The following STK3 variants were observed in gnomAD, a reference collection of about 807,000 sequenced individuals.
STK3 encodes serine/threonine kinase 3.
A neutral mutation model predicts 58.0 loss-of-function variants in STK3; 41 were observed. That is an observed-to-expected ratio of 0.71 (90% CI 0.55 to 0.92). STK3 has a LOEUF of 0.92. Ranked by LOEUF, STK3 falls within the 40% of genes least tolerant of loss-of-function variation. The probability of loss-of-function intolerance (pLI) is 0.00; values close to 1 mark genes in which losing one functional copy is unlikely to be tolerated. For missense variants in STK3, 479 were observed against 602.7 expected (o/e 0.79, Z 2.15); for synonymous variants, 170 against 191.0 (o/e 0.89, Z 0.91).
At chr8:98,473,560 C>G (rs899794083) in intron 10 of STK3, among the ~76,000 whole-genome samples, 1 of 152,180 alleles carries the variant, frequency 6.6e-6, no homozygotes, top group Non-Finnish European at 1.5e-5. Context: ...AATTGGCAAT[C>G]AAACTTCAAC....
chr8:98,593,754 C>T (rs1454756967), intron 7 of STK3, among the ~76,000 whole-genome samples: 1 of 152,080 alleles, frequency 6.6e-6, no homozygotes, highest in Non-Finnish European at 1.5e-5. Flanking sequence ...TGAAACCAGT[C>T]CCTGGTGCCA....
Position 98,884,361 on chromosome 8 carries a change from T to TA in STK3, c.-78-528dup, listed in dbSNP as rs896040479. ...TAATCTTCATTTTAATTTTTTTAAATAAAAAATCCCCATTTGGAGGTAATC... is the reference window on the plus strand; with the variant it reads ...TAATCTTCATTTTAATTTTTTTAAATAAAAAAATCCCCATTTGGAGGTAATC... On this transcript the variant is annotated intron_variant, in intron 1 of 1. Coordinates refer to the STK3 transcript ENST00000519420. Among the ~76,000 whole-genome samples the TA allele has an allele frequency of 9.2e-5, 14 of 152,276 alleles. No homozygotes were observed. The South Asian group carries it at 1.0e-3, about 11-fold the overall frequency.
chr8:98,873,213 A>G (rs1564075349), intron 3 of STK3, among the ~76,000 whole-genome samples: 1 of 152,216 alleles, frequency 6.6e-6, no homozygotes, highest in Non-Finnish European at 1.5e-5. Flanking sequence ...ACAGTGTGCT[A>G]TAATTTCTGT....
intron 8 of STK3, among the ~76,000 whole-genome samples, chr8:98,562,737 GAAAAAAAAAAA>G (rs778049177): frequency 9.2e-4 from 16 of 17,384 alleles, no homozygotes; most frequent in East Asian, 2.2e-3. Flanking sequence ...CACAAAAAAT[GAAAAAAAAAAA>G]AAAAAAAAAA....
intron 6 of STK3, among the ~76,000 whole-genome samples, chr8:98,676,960 GC>G (rs1234948341): frequency 6.6e-6 from 1 of 152,148 alleles, no homozygotes; most frequent in Non-Finnish European, 1.5e-5. Flanking sequence ...TTATTGCCTA[GC>G]AAAGTATTAC....
chr8:98,351,170 TA>T, the STK3 span, among the ~76,000 whole-genome samples: 1 of 152,198 alleles, frequency 6.6e-6, no homozygotes, highest in Non-Finnish European at 1.5e-5. Flanking sequence ...ACTGGCTCCA[TA>T]AGTCCCTCCT....
At chr8:98,842,522 CA>C (rs1836033484) in intron 3 of STK3, among the ~76,000 whole-genome samples, 1 of 151,060 alleles carries the variant, frequency 6.6e-6, no homozygotes, top group Non-Finnish European at 1.5e-5. Flanking sequence ...CAAAAAAATG[CA>C]AAAAATTAGC....
chr8:98,699,214 A>T (rs879880170), intron 6 of STK3, among the ~76,000 whole-genome samples: 4 of 152,022 alleles, frequency 2.6e-5, no homozygotes, highest in African/African-American at 7.2e-5. Context: ...CAGCTCCATC[A>T]GCTCCTTTAA....
intron 1 of STK3, among the ~76,000 whole-genome samples, chr8:98,888,597 T>C (rs1292371703): frequency 6.6e-6 from 1 of 152,212 alleles, no homozygotes; most frequent in African/African-American, 2.4e-5. Context: ...GGGGTTGCTC[T>C]GGTAGCAACT....
chr8:98,699,813 G>C (rs1288814141), intron 6 of STK3, among the ~76,000 whole-genome samples: 1 of 152,236 alleles, frequency 6.6e-6, no homozygotes, highest in Non-Finnish European at 1.5e-5. Flanking sequence ...GGGGTCAGGG[G>C]TCAGGGACCC....
intron 4 of STK3, among the ~76,000 whole-genome samples, chr8:98,742,658 T>C (rs1802222424): frequency 6.7e-6 from 1 of 149,486 alleles, no homozygotes; most frequent in Admixed American, 6.8e-5. Context: ...AGCATTCCCT[T>C]TGAAAACTGG....
intron 6 of STK3, among the ~76,000 whole-genome samples, chr8:98,671,414 T>C (rs1016489892): frequency 6.6e-6 from 1 of 152,054 alleles, no homozygotes; most frequent in Non-Finnish European, 1.5e-5. Flanking sequence ...TAAAAGCTCA[T>C]ACAACAAAGA....
At chr8:98,849,175 G>A (rs1011259671) in intron 3 of STK3, among the ~76,000 whole-genome samples, 2 of 146,612 alleles carry the variant, frequency 1.4e-5, no homozygotes, top group Non-Finnish European at 1.5e-5. Flanking sequence ...GCAGTGAGCC[G>A]AGATCACGCC....
chr8:98,559,690 A>T (rs1811863816), intron 8 of STK3, among the ~76,000 whole-genome samples: 1 of 152,144 alleles, frequency 6.6e-6, no homozygotes, highest in Non-Finnish European at 1.5e-5. Flanking sequence ...CGCAAATTAA[A>T]TAACTGCTAA....
rs899574195 is a variant in STK3, at chr8:98,698,006, A to T, written c.684+8461T>A. 3.5e-3 allele frequency among the ~76,000 whole-genome samples: 529 copies of T among 152,044 alleles called. 5 individuals carry two copies. Among genetic ancestry groups the T allele is most frequent in the Non-Finnish European group, 6.3e-3 (427 of 67,958 alleles). On this transcript the variant is annotated intron_variant, in intron 6 of 10. Coordinates refer to ENST00000419617, the MANE Select transcript of STK3 (RefSeq NM_006281.4). The stretch of plus-strand genomic sequence containing the variant: ...TTATTGTGTGGGAGTCTAAGTCTCT[A>T]TGTAGGTCACTCAGGACTTGCTTTA...
At chr8:98,578,073 A>G (rs898941678) in intron 8 of STK3, among the ~76,000 whole-genome samples, 4 of 152,218 alleles carry the variant, frequency 2.6e-5, no homozygotes, top group Non-Finnish European at 4.4e-5. Context: ...CAAAGTCTTA[A>G]AAAGTAGTAA....
chr8:98,828,400 G>A (rs372703987), upstream of STK3, among the ~76,000 whole-genome samples: 2 of 120,656 alleles, frequency 1.7e-5, no homozygotes, highest in Non-Finnish European at 3.2e-5. Context: ...CCATGAGTTC[G>A]AGACCAGCCT....
intron 4 of STK3, among the ~76,000 whole-genome samples, chr8:98,727,177 T>C (rs1341303093): frequency 6.6e-6 from 1 of 152,142 alleles, no homozygotes; most frequent in Non-Finnish European, 1.5e-5. Context: ...CTAAATCACA[T>C]TGTAATGGCC....
rs547394812 is a variant in STK3, at chr8:98,514,099, C to T, written c.1317+12643G>A. Among the ~76,000 whole-genome samples the T allele has an allele frequency of 3.7e-4, 56 of 152,258 alleles. 1 individual carries two copies. The highest frequency in any genetic ancestry group is 1.3e-3 in the African/African-American group (55 of 41,560). ...GACCTCTGCCTCTCTTGTCCTTCCTCCATGCTGCCTCCTTCCCCTCTCTCT... is the reference window on the plus strand; with the variant it reads ...GACCTCTGCCTCTCTTGTCCTTCCTTCATGCTGCCTCCTTCCCCTCTCTCT... On this transcript the variant is annotated intron_variant, in intron 10 of 10. Coordinates refer to ENST00000419617, the MANE Select transcript of STK3 (RefSeq NM_006281.4).
Sources: gnomAD v4.1 joint callset for allele counts (sites outside exome capture counted in the v4.1 genomes callset) on GRCh38, gnomAD v4.1.1 for gene constraint, MANE v1.5 for transcripts, NCBI Gene and HGNC (gene_info 2026-07-23, HGNC 2026-07-21) for gene names.